Variants in AS3MT observed in about 807,000 individuals in gnomAD.
AS3MT encodes arsenite methyltransferase, also known as S-adenosyl-L-methionine:arsenic(III) methyltransferase.
Under a neutral mutation model 45.3 loss-of-function variants are expected in AS3MT, and 47 were observed. The observed-to-expected ratio is 1.04, with a 90% CI of 0.82 to 1.32. The LOEUF (loss-of-function observed/expected upper bound fraction) is 1.32, where lower values mean the gene tolerates loss of function less well. Among genes scored for constraint, AS3MT ranks in the 40% most tolerant of loss-of-function variants. AS3MT has a pLI of 0.00. For synonymous variants in AS3MT, 141 were observed against 152.8 expected, an observed-to-expected ratio of 0.92 and a Z score of 0.57; for missense variants, 396 against 451.1, an observed-to-expected ratio of 0.88 and a Z score of 1.11.
intron 9 of AS3MT, 98 bp from the exon 10 acceptor site, chr10:102,890,446 C>A: frequency 3.2e-6 from 3 of 935,968 alleles, no homozygotes; most frequent in South Asian, 1.7e-5. Context: ...AGGATTAGTG[C>A]TGGTGAGGAT....
In AS3MT at chr10:102,881,548, G is replaced by A. The variant is rs948153068; in HGVS notation, c.885+2557G>A. On this transcript the variant is annotated intron_variant, in intron 9 of 10. Transcript: ENST00000369880. The surrounding 1 kb of genome is among the most constrained non-coding windows in gnomAD (Gnocchi z 4.2). ...AAACTTGAACAAGTCACCAAAATTC[G>A]TTGGGTTACAGTTTGTTCTACTGTA... Among the ~76,000 whole-genome samples, 2 of 152,076 alleles carry A rather than the reference G, an allele frequency of 1.3e-5. No homozygotes were observed. The highest frequency in any genetic ancestry group is 2.1e-4 in the South Asian group (1 of 4,828).
intron 2 of AS3MT, 112 bp from the exon 3 acceptor site, chr10:102,869,972 C>G (rs1355043385): frequency 3.1e-5 from 49 of 1,559,812 alleles, no homozygotes; most frequent in Non-Finnish European, 4.0e-5. Flanking sequence ...TCGACCTTTC[C>G]AGGGAACTGA....
chr10:102,888,866 TATATATA>T (rs1564794444), intron 9 of AS3MT, among the ~76,000 whole-genome samples: 8 of 90,206 alleles, frequency 8.9e-5, no homozygotes, highest in Non-Finnish European at 1.3e-4. Context: ...TATATATATA[TATATATA>T]TATATATATT....
Position 102,878,911 on chromosome 10 carries a change from A to G in AS3MT, c.805A>G (p.Lys269Glu). The G allele has an allele frequency of 6.2e-7, 1 of 1,614,090 alleles. No individual in the cohort carries two copies. Among genetic ancestry groups the G allele is most frequent in the Non-Finnish European group, 8.5e-7 (1 of 1,179,942 alleles). ...CAAACACTCTAAGACAGGACCAACC[A>G]AGAGATGCCAAGTTATTTACAATGG... ...LFKHSKTGPTKRCQVIYNGGI... is the reference protein window; with the variant it reads ...LFKHSKTGPTERCQVIYNGGI... Residue 269 changes from lysine to glutamate, a missense_variant, in exon 9 of 11, where the codon AAG becomes GAG. Lys to Glu is a moderately conservative substitution (Grantham distance 56). Coordinates refer to ENST00000369880, the MANE Select transcript of AS3MT (RefSeq NM_020682.4).
At chr10:102,875,137 T>A (rs895215718) in intron 6 of AS3MT, among the ~76,000 whole-genome samples, 9 of 152,192 alleles carry the variant, frequency 5.9e-5, no homozygotes, top group African/African-American at 2.2e-4. Context: ...TTGCAGGAGC[T>A]CCACAGCCTT....
intron 3 of AS3MT, among the ~76,000 whole-genome samples, chr10:102,871,147 G>A (rs1480627787): frequency 6.6e-6 from 1 of 152,142 alleles, no homozygotes; most frequent in Admixed American, 6.6e-5. Flanking sequence ...GGGAGGCTGA[G>A]GGAGGAGAAT....
intron 10 of AS3MT, among the ~76,000 whole-genome samples, chr10:102,892,092 C>A (rs1845080805): frequency 6.6e-6 from 1 of 151,694 alleles, no homozygotes; most frequent in Admixed American, 6.6e-5. Context: ...TTCTTGGCTA[C>A]AATAACCCTC....
intron 9 of AS3MT, among the ~76,000 whole-genome samples, chr10:102,886,567 C>T (rs1844961176): frequency 6.6e-6 from 1 of 152,024 alleles, no homozygotes; most frequent in African/African-American, 2.4e-5. Context: ...CTCTGCCCGC[C>T]TCAGCCTCCC....
At position 102,870,194 on chromosome 10, in the gene AS3MT, C is replaced by T; in HGVS notation, c.153C>T (p.His51=). ...TCCGGGAAGCCTTGCAAAATGTACACGAAGAAGTAGCCCTAAGGTAGAGTG... is the reference window on the plus strand; with the variant it reads ...TCCGGGAAGCCTTGCAAAATGTACATGAAGAAGTAGCCCTAAGGTAGAGTG... ...KHIREALQNV[H]EEVALRYYGC... Residue 51 remains histidine, a synonymous_variant, in exon 3 of 11, where the codon CAC becomes CAT. Coordinates refer to ENST00000369880, the MANE Select transcript of AS3MT (RefSeq NM_020682.4). 3.1e-6 allele frequency: 5 copies of T among 1,614,198 alleles called. No individual in the cohort carries two copies. Among genetic ancestry groups the T allele is most frequent in the Non-Finnish European group, 4.2e-6 (5 of 1,180,048 alleles).
intron 9 of AS3MT, among the ~76,000 whole-genome samples, chr10:102,880,849 G>T (rs560105755): frequency 3.3e-5 from 5 of 152,224 alleles, no homozygotes; most frequent in Non-Finnish European, 7.4e-5. Context: ...AATACAGAAG[G>T]AACAAAAACA....
rs1845259620 is a variant in AS3MT at position 102,900,957 on chromosome 10, C to T, written c.*257C>T. ...AAAAAATTAGCTGGGCATGGTGGTG[C>T]ACACCTATAGTCTCAGCTACTCGGG... On this transcript the variant is annotated 3_prime_UTR_variant, in exon 11 of 11. Coordinates refer to ENST00000369880, the MANE Select transcript of AS3MT (RefSeq NM_020682.4). The T allele has an allele frequency of 1.1e-5, 4 of 352,528 alleles. No individual in the cohort carries two copies. The highest frequency in any genetic ancestry group is 2.1e-5 in the African/African-American group (1 of 47,560). 21.8% of individuals were successfully genotyped at this position (352,528 alleles called of 1,614,324 possible).
chr10:102,878,036 C>A (rs1439608982), intron 7 of AS3MT, among the ~76,000 whole-genome samples: 2 of 152,116 alleles, frequency 1.3e-5, no homozygotes, highest in Admixed American at 1.3e-4. Flanking sequence ...CAGGCATGAG[C>A]CACCGCGCTC....
chr10:102,869,863 T>C lies in AS3MT; in HGVS notation c.42+18T>C, dbSNP rs1395178965. ...ACGTGCAGGTGAGAGCTGTAGGGCC[T>C]GGAATGGCCCAAGTGGAGCCTAGGC... On this transcript the variant is annotated intron_variant, in intron 2 of 10. Transcript: ENST00000369880. The C allele has an allele frequency of 6.2e-7, 1 of 1,613,554 alleles. No homozygotes were observed. The highest frequency in any genetic ancestry group is 1.3e-5 in the African/African-American group (1 of 75,056).
At chr10:102,891,559 A>G (rs989357682) in intron 10 of AS3MT, among the ~76,000 whole-genome samples, 1 of 152,306 alleles carries the variant, frequency 6.6e-6, no homozygotes, top group East Asian at 1.9e-4. Flanking sequence ...ATCTGGCCAA[A>G]CTCTTGCTGG....
intron 3 of AS3MT, among the ~76,000 whole-genome samples, chr10:102,871,096 T>G (rs1176095363): frequency 2.0e-5 from 3 of 152,096 alleles, no homozygotes; most frequent in Admixed American, 2.0e-4. Flanking sequence ...ATACAAAAAT[T>G]AGCTGGGTGT....
chr10:102,880,308 T>G (rs951538008), intron 9 of AS3MT, among the ~76,000 whole-genome samples: 2 of 152,176 alleles, frequency 1.3e-5, no homozygotes, highest in African/African-American at 4.8e-5. Context: ...TTTTATTTTT[T>G]TTTCTGAATG....
chr10:102,898,417 G>A (rs554013734), intron 10 of AS3MT, among the ~76,000 whole-genome samples: 1 of 151,952 alleles, frequency 6.6e-6, no homozygotes, highest in African/African-American at 2.4e-5. Flanking sequence ...CTAACATGGT[G>A]AAACCCCCTC....
chr10:102,884,599 T>G (rs2134121130), intron 9 of AS3MT, among the ~76,000 whole-genome samples: 1 of 152,226 alleles, frequency 6.6e-6, no homozygotes, highest in Middle Eastern at 3.4e-3. Flanking sequence ...CAGGCTGGAG[T>G]GCAGTGGCGT....
At chr10:102,890,277 C>T (rs1045053899) in intron 9 of AS3MT, among the ~76,000 whole-genome samples, 1 of 151,994 alleles carries the variant, frequency 6.6e-6, no homozygotes, top group Admixed American at 6.6e-5. Context: ...GCTGGGATTA[C>T]AGGTGTGAGC....
Sources: gnomAD v4.1 joint callset for allele counts (sites outside exome capture counted in the v4.1 genomes callset) on GRCh38, gnomAD v4.1.1 for gene constraint, Gnocchi (gnomAD v3.1) non-coding constraint, MANE v1.5 for transcripts, NCBI Gene and HGNC (gene_info 2026-07-23, HGNC 2026-07-21) for gene names.